The following MAGED1 variants were observed in gnomAD, a reference collection of about 807,000 sequenced individuals.
The protein encoded by MAGED1 is melanoma-associated antigen D1.
MAGED1 carries 3 observed loss-of-function variants against 54.1 expected under a neutral mutation model. The ratio of observed to expected loss-of-function variants is 0.06; its 90% confidence interval spans 0.03 to 0.14. The LOEUF (loss-of-function observed/expected upper bound fraction) is 0.14. Among genes scored for constraint, MAGED1 ranks in the 10% least tolerant of loss-of-function variants. The pLI, the probability that MAGED1 is intolerant of heterozygous loss-of-function variation, is 1.00. For synonymous variants in MAGED1, 217 were observed against 227.3 expected (o/e 0.95, Z 0.41); for missense variants, 485 against 623.4 (o/e 0.78, Z 2.36).
chrX:51,870,846 T>C (rs1927644723), intron 1 of MAGED1: 1 of 112,964 alleles, frequency 8.9e-6, no homozygotes, highest in Non-Finnish European at 1.9e-5. Context: ...ACATGGTATG[T>C]TAAAACAGTA....
chrX:51,891,689 A>G (rs1164726340), upstream of MAGED1, among the ~76,000 whole-genome samples: 2 of 112,077 alleles, frequency 1.8e-5, no homozygotes, highest in African/African-American at 6.5e-5. Flanking sequence ...TAGAGGAGAA[A>G]CACTGTGTTG....
intron 1 of MAGED1, among the ~76,000 whole-genome samples, chrX:51,837,953 T>C (rs782058429): frequency 8.9e-6 from 1 of 112,708 alleles, no homozygotes; most frequent in African/African-American, 3.2e-5. Context: ...TTTCAATTAT[T>C]TATGCCAGCC....
chrX:51,865,447 C>T lies in MAGED1; in HGVS notation c.-36-28822C>T, dbSNP rs184735024. Reference sequence around the variant, plus strand: ...TCAATCTTGTCTGGAATTCAGGTAGCCCTTTCTTTAGCTCAGGGAAATTTT... The same window carrying T: ...TCAATCTTGTCTGGAATTCAGGTAGTCCTTTCTTTAGCTCAGGGAAATTTT... On this transcript the variant is annotated intron_variant, in intron 1 of 12. Coordinates refer to the MAGED1 transcript ENST00000375772. 3.3e-3 allele frequency among the ~76,000 whole-genome samples: 370 copies of T among 111,630 alleles called. 1 individual carries two copies. The highest frequency in any genetic ancestry group is 9.1e-3 in the Middle Eastern group (2 of 219).
At position 51,814,291 on chromosome X, in the gene MAGED1, CGCCGCCGCCGCT is replaced by C. The variant is rs1925329673; in HGVS notation, c.-37+11180_-37+11191del. ...CTGCTGCCGCTGCCGCTGCTGCTAC[CGCCGCCGCCGCT>C]GCCGCTGCCACTGCCGCCACCACCA... On this transcript the variant is annotated intron_variant, in intron 1 of 12. Coordinates refer to the MAGED1 transcript ENST00000375772. Among the ~76,000 whole-genome samples, 7 of 111,440 alleles carry C rather than the reference CGCCGCCGCCGCT, an allele frequency of 6.3e-5. No homozygotes were observed. The South Asian group carries it at 2.7e-3, about 42-fold the overall frequency.
At position 51,899,877 on chromosome X, in the gene MAGED1, C is replaced by G. The variant is rs1569556077; in HGVS notation, c.1845-305C>G. The G allele has an allele frequency of 1.6e-5, 4 of 254,558 alleles. No homozygotes were observed. In the South Asian group the frequency reaches 1.9e-4, roughly 12 times the overall value. 21.0% of individuals were successfully genotyped at this position (254,558 alleles called of 1,213,427 possible). ...CTGCATTGTACTCATTTCAATGGAC[C>G]TCTGTGGCTCACTGACAAGATTACA... On this transcript the variant is annotated intron_variant, in intron 10 of 12. Coordinates refer to ENST00000326587, the MANE Select transcript of MAGED1 (RefSeq NM_006986.4).
At position 51,896,760 on chromosome X, in the gene MAGED1, C is replaced by G; in HGVS notation, c.1105C>G (p.Pro369Ala). ...TGTCTGGCCCGGCCCTGTTGTCTGGCCGAATCCACTGGCCTGGCAGAATCC... is the reference window on the plus strand; with the variant it reads ...TGTCTGGCCCGGCCCTGTTGTCTGGGCGAATCCACTGGCCTGGCAGAATCC... ...PIVWPGPVVW[P>A]NPLAWQNPPG... The change falls in exon 4 of 13, where the codon CCG (proline) becomes GCG (alanine). Residue 369 changes from proline to alanine, a missense_variant. Pro to Ala is a conservative substitution (Grantham distance 27, BLOSUM62 -1). Coordinates refer to ENST00000326587, the MANE Select transcript of MAGED1 (RefSeq NM_006986.4). 8.3e-7 allele frequency: 1 copy of G among 1,211,531 alleles called. No homozygotes were observed. Among genetic ancestry groups the G allele is most frequent in the Non-Finnish European group, 1.1e-6 (1 of 895,270 alleles).
At chrX:51,841,738 A>T (rs896768978) in intron 1 of MAGED1, among the ~76,000 whole-genome samples, 5 of 111,471 alleles carry the variant, frequency 4.5e-5, no homozygotes, top group Non-Finnish European at 9.4e-5. Flanking sequence ...CAAAGATCAG[A>T]TAGTTGTAGA....
rs1465381359 is a variant in MAGED1, at chrX:51,884,770, A to T, written c.-36-9499A>T. On this transcript the variant is annotated intron_variant, in intron 1 of 12. Transcript: ENST00000375772. ...AATCCAGTGTTGTAGAAAACGTTAT[A>T]CACCATGACCAAGTGGAATTTATTC... Among the ~76,000 whole-genome samples, 3 of 112,487 alleles carry T rather than the reference A, an allele frequency of 2.7e-5. No homozygotes were observed. The Admixed American group carries it at 2.8e-4, about 11-fold the overall frequency.
chrX:51,850,914 C>CA lies in MAGED1; in HGVS notation c.-36-43347dup, dbSNP rs782079297. Among the ~76,000 whole-genome samples, 162 of 110,047 alleles carry CA rather than the reference C, an allele frequency of 1.5e-3. 1 individual carries two copies. Among genetic ancestry groups the CA allele is most frequent in the African/African-American group, 5.1e-3 (155 of 30,319 alleles). ...AAACTCCATCTCAAAAACAAACAAACAAAAAAAAGAGAAAGCAAAATTCTG... is the reference window on the plus strand; with the variant it reads ...AAACTCCATCTCAAAAACAAACAAACAAAAAAAAAGAGAAAGCAAAATTCTG... On this transcript the variant is annotated intron_variant, in intron 1 of 12. Transcript: ENST00000375772.
In MAGED1 at chrX:51,809,092, C is replaced by T. The variant is rs191754380; in HGVS notation, c.-37+5975C>T. Among the ~76,000 whole-genome samples, 39 of 111,553 alleles carry T rather than the reference C, an allele frequency of 3.5e-4. 1 individual carries two copies. The highest frequency in any genetic ancestry group is 3.3e-3 in the Admixed American group (35 of 10,594). On this transcript the variant is annotated intron_variant, in intron 1 of 12. Coordinates refer to the MAGED1 transcript ENST00000375772. ...TCTCTTAAGCCTTATAAAGCCCTTG[C>T]ATAGTCCCCTTTTTATTTTATTTTA...
intron 5 of MAGED1, 41 bp downstream of exon 5, chrX:51,897,312 T>A (rs782328401): frequency 8.9e-7 from 1 of 1,118,785 alleles, no homozygotes; most frequent in East Asian, 3.0e-5. Context: ...TGCCCTTCCC[T>A]TCACTCCATG....
intron 1 of MAGED1, among the ~76,000 whole-genome samples, chrX:51,876,408 G>A (rs1927868978): frequency 9.0e-6 from 1 of 110,546 alleles, no homozygotes; most frequent in Non-Finnish European, 1.9e-5. Flanking sequence ...TCAACCTGGA[G>A]AGAAACTGTT....
intron 1 of MAGED1, among the ~76,000 whole-genome samples, chrX:51,875,864 A>T (rs909278326): frequency 2.6e-4 from 29 of 111,813 alleles, no homozygotes; most frequent in African/African-American, 9.4e-4. Flanking sequence ...TTAGAAAAGG[A>T]GATTAACCTT....
chrX:51,878,913 C>T (rs1386666966), intron 1 of MAGED1, among the ~76,000 whole-genome samples: 1 of 110,898 alleles, frequency 9.0e-6, no homozygotes, highest in African/African-American at 3.3e-5. Context: ...AAGAGGGACC[C>T]ATTATTTCAT....
intron 1 of MAGED1, among the ~76,000 whole-genome samples, chrX:51,853,689 G>A (rs1327254231): frequency 1.8e-5 from 2 of 112,023 alleles, no homozygotes; most frequent in African/African-American, 3.2e-5. Flanking sequence ...TTTCCATACT[G>A]CCATTTTATT....
chrX:51,852,188 T>C (rs1926919232), intron 1 of MAGED1, among the ~76,000 whole-genome samples: 1 of 111,805 alleles, frequency 8.9e-6, no homozygotes, highest in Non-Finnish European at 1.9e-5. Context: ...TTTTCAGCTC[T>C]CTGACTCTGA....
upstream of MAGED1, among the ~76,000 whole-genome samples, chrX:51,892,607 G>A (rs1302633351): frequency 8.9e-6 from 1 of 111,936 alleles, no homozygotes; most frequent in Non-Finnish European, 1.9e-5. Flanking sequence ...AGGGCAGGGG[G>A]AGGGTGGGGG....
In MAGED1 at chrX:51,897,777, G is replaced by T. The variant is rs1557364482; in HGVS notation, c.1567-18G>T. On this transcript the variant is annotated intron_variant, in intron 6 of 12. Transcript: ENST00000326587. ...GCTAGATGTTGTAATTTCATAGTCT[G>T]TTTTCTTGCCCCTGTAGAAATTTGG... 8.6e-7 allele frequency: 1 copy of T among 1,167,607 alleles called. No homozygotes were observed. Among genetic ancestry groups the T allele is most frequent in the Non-Finnish European group, 1.2e-6 (1 of 857,556 alleles).
At chrX:51,830,151 T>C (rs1213672041) in intron 1 of MAGED1, among the ~76,000 whole-genome samples, 2 of 112,079 alleles carry the variant, frequency 1.8e-5, no homozygotes, top group Non-Finnish European at 3.8e-5. Flanking sequence ...CAGTGTCATC[T>C]TAAAAACATA....
Sources: allele counts gnomAD v4.1 joint callset (sites outside exome capture counted in the v4.1 genomes callset), GRCh38; gene constraint gnomAD v4.1.1; transcripts MANE v1.5; gene names NCBI Gene and HGNC (gene_info 2026-07-23, HGNC 2026-07-21).